The following KCNAB1 variants were observed in gnomAD, a reference collection of about 807,000 sequenced individuals.
The protein encoded by KCNAB1 is voltage-gated potassium channel subunit beta-1.
Under a neutral mutation model 64.6 loss-of-function variants are expected in KCNAB1, and 35 were observed. The ratio of observed to expected loss-of-function variants is 0.54; its 90% confidence interval spans 0.41 to 0.72. The LOEUF is 0.72. KCNAB1 is among the 30% of genes least tolerant of loss of function. The probability of loss-of-function intolerance (pLI) is 0.00; values close to 1 mark genes in which losing one functional copy is unlikely to be tolerated. For synonymous variants in KCNAB1, 177 were observed against 183.8 expected (o/e 0.96, Z 0.30); for missense variants, 401 against 512.9 (o/e 0.78, Z 2.11).
At chr3:156,131,692 C>T (rs1577616798) in intron 1 of KCNAB1, among the ~76,000 whole-genome samples, 1 of 152,282 alleles carries the variant, frequency 6.6e-6, no homozygotes, top group South Asian at 2.1e-4. Context: ...GGGAGGATTA[C>T]TTGAGACCAG....
chr3:156,167,620 A>G (rs1269721090), intron 1 of KCNAB1, among the ~76,000 whole-genome samples: 1 of 152,222 alleles, frequency 6.6e-6, no homozygotes, highest in Non-Finnish European at 1.5e-5. Flanking sequence ...ATTGACATGT[A>G]TAAAATATGA....
At chr3:156,123,390 T>G (rs941390571) in intron 1 of KCNAB1, among the ~76,000 whole-genome samples, 1 of 152,234 alleles carries the variant, frequency 6.6e-6, no homozygotes, top group East Asian at 1.9e-4. Context: ...TTAATTCTAG[T>G]TCCTGAGGAA....
rs1719092828 is a variant in KCNAB1 at position 156,536,825 on chromosome 3, CTT to C, written c.*81_*82del. ...GTACAGAAAGGTGTTACTAACCAGTCTTTTGAATCACTTAGCAGCTTGCTGCT... is the reference window on the plus strand; with the variant it reads ...GTACAGAAAGGTGTTACTAACCAGTCTTGAATCACTTAGCAGCTTGCTGCT... On this transcript the variant is annotated 3_prime_UTR_variant, in exon 14 of 14. Coordinates refer to ENST00000490337, the MANE Select transcript of KCNAB1 (RefSeq NM_172160.3). The C allele has an allele frequency of 2.0e-6, 2 of 991,134 alleles. No homozygotes were observed. Among genetic ancestry groups the C allele is most frequent in the Non-Finnish European group, 3.2e-6 (2 of 621,312 alleles). 61.4% of individuals were successfully genotyped at this position (991,134 alleles called of 1,614,324 possible).
intron 1 of KCNAB1, among the ~76,000 whole-genome samples, chr3:156,342,166 T>C (rs1326830167): frequency 2.0e-5 from 3 of 152,186 alleles, no homozygotes; most frequent in South Asian, 4.1e-4. Flanking sequence ...AGCGTGAGTG[T>C]GGGGAAGCCA....
At chr3:156,299,247 T>C (rs193297439) in intron 1 of KCNAB1, among the ~76,000 whole-genome samples, 55 of 152,348 alleles carry the variant, frequency 3.6e-4, no homozygotes, top group Non-Finnish European at 7.4e-4. Context: ...AAAGGACAAT[T>C]CCCTTCTCTA....
intron 1 of KCNAB1, among the ~76,000 whole-genome samples, chr3:156,397,682 A>G (rs999510229): frequency 6.6e-6 from 1 of 152,172 alleles, no homozygotes; most frequent in African/African-American, 2.4e-5. Flanking sequence ...TGCCCACACA[A>G]GAATTACAAC....
In KCNAB1 at chr3:156,208,775, C is replaced by T. The variant is rs149230357; in HGVS notation, c.275+87889C>T. On this transcript the variant is annotated intron_variant, in intron 1 of 13. Transcript: ENST00000490337. The stretch of plus-strand genomic sequence containing the variant: ...GGTATCACAATGTTCACTAATTAGC[C>T]AGCATTCTTACTATGTGGGCACATG... 2.6e-3 allele frequency among the ~76,000 whole-genome samples: 393 copies of T among 152,278 alleles called. 3 individuals are homozygous for T. The highest frequency in any genetic ancestry group is 8.7e-3 in the African/African-American group (363 of 41,554).
chr3:156,320,757 A>G (rs567380007), intron 1 of KCNAB1, among the ~76,000 whole-genome samples: 1 of 152,284 alleles, frequency 6.6e-6, no homozygotes, highest in African/African-American at 2.4e-5. Flanking sequence ...TTTGGGAAGC[A>G]TGGGGAAGTT....
chr3:156,257,202 G>A (rs893829439), intron 1 of KCNAB1, among the ~76,000 whole-genome samples: 1 of 152,172 alleles, frequency 6.6e-6, no homozygotes, highest in Non-Finnish European at 1.5e-5. Flanking sequence ...CACACCTGGA[G>A]TGTCCTAGAT....
At chr3:156,454,616 G>T (rs1712253037) in intron 3 of KCNAB1, among the ~76,000 whole-genome samples, 1 of 152,140 alleles carries the variant, frequency 6.6e-6, no homozygotes, top group South Asian at 2.1e-4. Flanking sequence ...CACCAGGAAG[G>T]GGTGTATGGA....
chr3:156,537,697 T>C lies in KCNAB1; in HGVS notation c.*950T>C, dbSNP rs1182193750. 2 of 148,488 alleles carry C rather than the reference T, an allele frequency of 1.3e-5. No homozygotes were observed. Among genetic ancestry groups the C allele is most frequent in the African/African-American group, 5.0e-5 (2 of 39,984 alleles). 9.2% of individuals were successfully genotyped at this position (148,488 alleles called of 1,614,324 possible). On this transcript the variant is annotated 3_prime_UTR_variant, in exon 14 of 14. Transcript: ENST00000490337. The stretch of plus-strand genomic sequence containing the variant: ...GCACAACTTCTGCAAGTTTAAATAT[T>C]TGAGCTTTACAAATAAACATACACA...
intron 1 of KCNAB1, among the ~76,000 whole-genome samples, chr3:156,351,396 T>C (rs1457924562): frequency 6.6e-6 from 1 of 152,248 alleles, no homozygotes; most frequent in African/African-American, 2.4e-5. Context: ...GGCTCTCTCT[T>C]CCCACTGCCT....
At chr3:156,421,519 T>A in intron 1 of KCNAB1, 97 bp from the exon 2 acceptor site, 2 of 1,258,406 alleles carry the variant, frequency 1.6e-6, no homozygotes, top group South Asian at 2.7e-5. Flanking sequence ...TCAGGACTCA[T>A]CAAGAATCTG....
intron 2 of KCNAB1, among the ~76,000 whole-genome samples, chr3:156,425,884 G>A (rs1187432310): frequency 6.6e-6 from 1 of 152,166 alleles, no homozygotes; most frequent in Non-Finnish European, 1.5e-5. Context: ...GGGAACAAGG[G>A]TTGCCACTTG....
At chr3:156,503,213 G>A (rs1011333488) in intron 8 of KCNAB1, among the ~76,000 whole-genome samples, 9 of 152,130 alleles carry the variant, frequency 5.9e-5, no homozygotes, top group Non-Finnish European at 1.0e-4. Flanking sequence ...GAAAGAAAAG[G>A]TGCAATTTTG....
At chr3:156,386,407 C>T (rs893480722) in intron 1 of KCNAB1, among the ~76,000 whole-genome samples, 1 of 152,152 alleles carries the variant, frequency 6.6e-6, no homozygotes, top group Non-Finnish European at 1.5e-5. Flanking sequence ...CAGTGGTGTG[C>T]CCTTGGAAGG....
At chr3:156,450,103 C>T (rs898740009) in intron 2 of KCNAB1, among the ~76,000 whole-genome samples, 1 of 152,198 alleles carries the variant, frequency 6.6e-6, no homozygotes, top group African/African-American at 2.4e-5. Flanking sequence ...TGGCTTCTCC[C>T]ATTTTAGCTT....
At chr3:156,175,604 C>T (rs1034590809) in intron 1 of KCNAB1, among the ~76,000 whole-genome samples, 11 of 152,084 alleles carry the variant, frequency 7.2e-5, no homozygotes, top group Admixed American at 2.0e-4. Flanking sequence ...GGTGATAGAG[C>T]GAGACTCTGT....
intron 1 of KCNAB1, among the ~76,000 whole-genome samples, chr3:156,133,503 A>T (rs1467218105): frequency 6.6e-6 from 1 of 152,230 alleles, no homozygotes; most frequent in Non-Finnish European, 1.5e-5. Flanking sequence ...ATAGTTTCTA[A>T]CAATCAAACT....
Sources: gnomAD v4.1 joint callset for allele counts (sites outside exome capture counted in the v4.1 genomes callset) on GRCh38, gnomAD v4.1.1 for gene constraint, MANE v1.5 for transcripts, NCBI Gene and HGNC (gene_info 2026-07-23, HGNC 2026-07-21) for gene names.